The following ADCY2 variants were observed in gnomAD, a reference collection of about 807,000 sequenced individuals.
ADCY2 encodes the protein adenylate cyclase 2, also known as adenylate cyclase type 2.
In ADCY2, 31 loss-of-function variants were observed where a neutral mutation model predicts 125.2. The observed-to-expected ratio is 0.25, with a 90% CI of 0.19 to 0.33. The LOEUF (loss-of-function observed/expected upper bound fraction) is 0.33. Among genes scored for constraint, ADCY2 ranks in the 10% least tolerant of loss-of-function variants. The pLI, the probability that ADCY2 is intolerant of heterozygous loss-of-function variation, is 1.00. For missense variants in ADCY2, 904 were observed against 1,418.2 expected (o/e 0.64, Z 5.82); for synonymous variants, 512 against 548.4 (o/e 0.93, Z 0.93).
intron 24 of ADCY2, among the ~76,000 whole-genome samples, chr5:7,824,589 C>T (rs542377182): frequency 1.2e-4 from 18 of 152,318 alleles, no homozygotes; most frequent in African/African-American, 3.8e-4. Context: ...TCCCGGGGCT[C>T]CTGCCCTCCT....
At chr5:7,679,335 A>G (rs1017519406) in intron 4 of ADCY2, among the ~76,000 whole-genome samples, 2 of 152,092 alleles carry the variant, frequency 1.3e-5, no homozygotes, top group African/African-American at 4.8e-5. Context: ...GAAGAAATAA[A>G]GAAGGTGGGA....
At chr5:7,662,362 G>A (rs1003601618) in intron 4 of ADCY2, among the ~76,000 whole-genome samples, 3 of 152,180 alleles carry the variant, frequency 2.0e-5, no homozygotes, top group Admixed American at 1.3e-4. Flanking sequence ...AGGCAGAAAT[G>A]CAACTGAGAC....
chr5:7,788,324 C>T (rs548275749), intron 19 of ADCY2, among the ~76,000 whole-genome samples: 14 of 152,094 alleles, frequency 9.2e-5, no homozygotes, highest in South Asian at 6.2e-4. Context: ...GGATTACAGG[C>T]GCGCACAACC....
chr5:7,770,962 T>C lies in ADCY2; in HGVS notation c.2215-1970T>C, dbSNP rs116096671. 5.6e-3 allele frequency among the ~76,000 whole-genome samples: 852 copies of C among 152,310 alleles called. 6 individuals are homozygous for C. Among genetic ancestry groups the C allele is most frequent in the African/African-American group, 0.019 (810 of 41,558 alleles). On this transcript the variant is annotated intron_variant, in intron 17 of 24. Coordinates refer to ENST00000338316, the MANE Select transcript of ADCY2 (RefSeq NM_020546.3). ...GCCATATGAAATGCAAGCTCATATT[T>C]CGTTATATTCAACAGAAACAAGCTC...
rs1197633649 is a variant in ADCY2 at position 7,618,169 on chromosome 5, G to A, written c.571-7998G>A. On this transcript the variant is annotated intron_variant, in intron 3 of 24. Transcript: ENST00000338316. ...TAAATCCCCAGGTGAGATTGGCCGT[G>A]GCATCCCTGAGTTGTTATTTCTATA... Among the ~76,000 whole-genome samples, 5 of 152,128 alleles carry A rather than the reference G, an allele frequency of 3.3e-5. No individual in the cohort carries two copies. In the East Asian group the frequency reaches 9.6e-4, roughly 29 times the overall value.
chr5:7,727,122 T>C, intron 13 of ADCY2, 42 bp from the exon 14 acceptor site: 1 of 1,484,380 alleles, frequency 6.7e-7, no homozygotes, highest in Non-Finnish European at 9.4e-7. Flanking sequence ...GCAGCTCTTC[T>C]CTTGGAGAAC....
chr5:7,689,951 A>G (rs991228545), intron 4 of ADCY2, among the ~76,000 whole-genome samples: 2 of 152,306 alleles, frequency 1.3e-5, no homozygotes, highest in African/African-American at 4.8e-5. Context: ...GTGTATTTTC[A>G]TTGAGGAGAA....
At chr5:7,795,970 G>C (rs1744407591) in intron 20 of ADCY2, 1 of 152,156 alleles carries the variant, frequency 6.6e-6, no homozygotes, top group African/African-American at 2.4e-5. Flanking sequence ...CATTAGACTT[G>C]GTCAAGGGAG....
intron 7 of ADCY2, among the ~76,000 whole-genome samples, chr5:7,699,504 T>C (rs1741012598): frequency 6.6e-6 from 1 of 152,220 alleles, no homozygotes; most frequent in African/African-American, 2.4e-5. Flanking sequence ...TGCATTTCAA[T>C]ATAATTGTGC....
chr5:7,750,303 A>G (rs1742765745), intron 15 of ADCY2, among the ~76,000 whole-genome samples: 1 of 152,122 alleles, frequency 6.6e-6, no homozygotes, highest in South Asian at 2.1e-4. Context: ...CGTAACATGT[A>G]CACATGATTA....
intron 4 of ADCY2, among the ~76,000 whole-genome samples, chr5:7,665,810 T>G (rs1055791984): frequency 1.4e-4 from 21 of 149,716 alleles, no homozygotes; most frequent in Admixed American, 8.7e-4. Flanking sequence ...TTATGTTTTG[T>G]TTTTTTTTAA....
chr5:7,580,313 G>T (rs895323610), intron 3 of ADCY2, among the ~76,000 whole-genome samples: 4 of 151,966 alleles, frequency 2.6e-5, no homozygotes, highest in Non-Finnish European at 2.9e-5. Context: ...AATATAAAGT[G>T]GTTATAATTA....
intron 4 of ADCY2, among the ~76,000 whole-genome samples, chr5:7,636,319 C>T (rs1323440265): frequency 1.3e-5 from 2 of 152,146 alleles, no homozygotes; most frequent in Admixed American, 6.5e-5. Flanking sequence ...CCAAAGCCTT[C>T]GCTGGGGTTC....
chr5:7,628,954 C>G (rs1367191503), intron 4 of ADCY2, among the ~76,000 whole-genome samples: 3 of 152,160 alleles, frequency 2.0e-5, no homozygotes, highest in Admixed American at 2.0e-4. Context: ...CCAGTAGGGC[C>G]ACTGATCAAA....
intron 16 of ADCY2, among the ~76,000 whole-genome samples, chr5:7,761,148 C>CTTTTTTTTTTTTTTTTTTTTTTT (rs367998018): frequency 2.3e-5 from 2 of 88,162 alleles, no homozygotes; most frequent in African/African-American, 4.6e-5. Context: ...CTTTTCTTTT[C>CTTTTTTTTTTTTTTTTTTTTTTT]TTTTTTTTTT....
rs79767632 is a variant in ADCY2, at chr5:7,740,012, T to G, written c.1872-3656T>G. ...AAGATAGAAAGAATTGGTCAAATAT[T>G]AACAAATTTTATATTTGTGAATGGA... On this transcript the variant is annotated intron_variant, in intron 14 of 24. Transcript: ENST00000338316. Among the ~76,000 whole-genome samples, 567 of 152,086 alleles carry G rather than the reference T, an allele frequency of 3.7e-3. 1 individual carries two copies. The highest frequency in any genetic ancestry group is 0.013 in the African/African-American group (529 of 41,572).
chr5:7,756,402 A>G (rs896131719), intron 15 of ADCY2, among the ~76,000 whole-genome samples: 2 of 152,236 alleles, frequency 1.3e-5, no homozygotes, highest in Non-Finnish European at 2.9e-5. Flanking sequence ...GTATAGCCGC[A>G]TATTCACAAC....
intron 3 of ADCY2, among the ~76,000 whole-genome samples, chr5:7,621,210 G>T (rs1245658814): frequency 6.6e-6 from 1 of 152,142 alleles, no homozygotes; most frequent in Non-Finnish European, 1.5e-5. Context: ...TCATGACCTG[G>T]ATGAGAGCAG....
chr5:7,428,782 T>C (rs1424169848), intron 2 of ADCY2, among the ~76,000 whole-genome samples: 1 of 152,120 alleles, frequency 6.6e-6, no homozygotes, highest in Non-Finnish European at 1.5e-5. Flanking sequence ...AAGACATGGG[T>C]CAAAGGATAC....
Sources: allele counts gnomAD v4.1 joint callset (sites outside exome capture counted in the v4.1 genomes callset), GRCh38; gene constraint gnomAD v4.1.1; transcripts MANE v1.5; gene names NCBI Gene and HGNC (gene_info 2026-07-23, HGNC 2026-07-21).